Variants in TMTC2 observed in about 807,000 individuals in gnomAD.
TMTC2 encodes protein O-mannosyl-transferase TMTC2.
In TMTC2, 43 loss-of-function variants were observed where a neutral mutation model predicts 82.4. The observed-to-expected ratio is 0.52, with a 90% CI of 0.41 to 0.67. The LOEUF is 0.67. Among genes scored for constraint, TMTC2 ranks in the 30% least tolerant of loss-of-function variants. The pLI is 0.00. For synonymous variants in TMTC2, 408 were observed against 381.9 expected (o/e 1.07, Z -0.80); for missense variants, 919 against 1,012.4 (o/e 0.91, Z 1.25).
intron 11 of TMTC2, among the ~76,000 whole-genome samples, chr12:83,093,235 A>T (rs1167274997): frequency 1.3e-5 from 2 of 152,228 alleles, no homozygotes; most frequent in Non-Finnish European, 2.9e-5. Flanking sequence ...TTCACACATA[A>T]GATGCACAGC....
intron 1 of TMTC2, among the ~76,000 whole-genome samples, chr12:82,827,436 A>G (rs988448763): frequency 3.3e-5 from 5 of 152,200 alleles, no homozygotes; most frequent in African/African-American, 1.2e-4. Context: ...TCTTGCCGGC[A>G]TTCAAGACTT....
rs1872354814 is a variant in TMTC2 at position 82,687,258 on chromosome 12, G to A, written c.-329G>A. 4.8e-6 allele frequency: 2 copies of A among 420,480 alleles called. No homozygotes were observed. The highest frequency in any genetic ancestry group is 4.0e-5 in the African/African-American group (2 of 49,422). 26.0% of individuals were successfully genotyped at this position (420,480 alleles called of 1,614,324 possible). A position where few individuals can be genotyped will look rare whatever the true frequency, so the allele number is the denominator to read the frequency against. On this transcript the variant is annotated 5_prime_UTR_variant, in exon 1 of 12. Coordinates refer to ENST00000321196, the MANE Select transcript of TMTC2 (RefSeq NM_152588.3). ...GACGCCCCAAACTGCCATGGGTTAG[G>A]GTGGGGATCGCGACCCGCGCGAAAG...
intron 2 of TMTC2, among the ~76,000 whole-genome samples, chr12:82,894,706 C>T (rs1474104264): frequency 1.3e-5 from 2 of 152,114 alleles, no homozygotes; most frequent in East Asian, 1.9e-4. Context: ...AGGACTTTGC[C>T]AGAAAATTAG....
In TMTC2 at chr12:83,059,325, G is replaced by A. The variant is rs547765027; in HGVS notation, c.2268-2443G>A. On this transcript the variant is annotated intron_variant, in intron 10 of 11. Transcript: ENST00000321196. ...CCGTGTATGAAATACAGCAAACACT[G>A]TAAAATGGGCATTGGACACTTCCTC... is the stretch of plus-strand genomic sequence containing the variant. Among the ~76,000 whole-genome samples, 6 of 151,824 alleles carry A rather than the reference G, an allele frequency of 4.0e-5. No homozygotes were observed. In the South Asian group the frequency reaches 1.2e-3, roughly 32 times the overall value.
intron 7 of TMTC2, among the ~76,000 whole-genome samples, chr12:82,970,277 T>G (rs944269122): frequency 6.6e-6 from 1 of 152,284 alleles, no homozygotes; most frequent in Non-Finnish European, 1.5e-5. Flanking sequence ...GTCCAACTAC[T>G]TAACCTAGTA....
At position 83,052,099 on chromosome 12, in the gene TMTC2, G is replaced by A. The variant is rs574824666; in HGVS notation, c.2267+1081G>A. On this transcript the variant is annotated intron_variant, in intron 10 of 11. Coordinates refer to ENST00000321196, the MANE Select transcript of TMTC2 (RefSeq NM_152588.3). ...GACTTCTATACTGTCATCTCTGTGCGTGGCTTCCAGGGATAGATTTATAAT... is the reference window on the plus strand; with the variant it reads ...GACTTCTATACTGTCATCTCTGTGCATGGCTTCCAGGGATAGATTTATAAT... Among the ~76,000 whole-genome samples the A allele has an allele frequency of 7.2e-5, 11 of 151,962 alleles. No individual in the cohort carries two copies. In the South Asian group the frequency reaches 1.5e-3, roughly 20 times the overall value.
At chr12:82,996,216 T>G (rs1338988428) in intron 8 of TMTC2, among the ~76,000 whole-genome samples, 2 of 152,180 alleles carry the variant, frequency 1.3e-5, no homozygotes, top group African/African-American at 4.8e-5. Context: ...AGCTGAGTTT[T>G]TAATTTGAAT....
intron 1 of TMTC2, among the ~76,000 whole-genome samples, chr12:82,693,075 G>A (rs938666904): frequency 6.6e-6 from 1 of 152,108 alleles, no homozygotes; most frequent in Non-Finnish European, 1.5e-5. Context: ...TTGTTAACAA[G>A]CATCCCACAA....
intron 4 of TMTC2, among the ~76,000 whole-genome samples, chr12:82,934,070 A>G (rs1283426463): frequency 2.0e-5 from 3 of 152,120 alleles, no homozygotes; most frequent in Non-Finnish European, 4.4e-5. Flanking sequence ...TTAGTTCTTT[A>G]CATATGTTAT....
intron 2 of TMTC2, among the ~76,000 whole-genome samples, chr12:82,865,511 C>G (rs1447547548): frequency 6.6e-6 from 1 of 152,172 alleles, no homozygotes; most frequent in African/African-American, 2.4e-5. Context: ...ATTCATAAAG[C>G]AAGTCCTTAG....
chr12:82,949,810 C>T (rs1459030518), intron 4 of TMTC2, among the ~76,000 whole-genome samples: 5 of 152,154 alleles, frequency 3.3e-5, no homozygotes, highest in Non-Finnish European at 5.9e-5. Flanking sequence ...TGTCTTATCT[C>T]ACTGGCAACC....
At chr12:82,730,140 C>T (rs901387403) in intron 1 of TMTC2, among the ~76,000 whole-genome samples, 11 of 151,930 alleles carry the variant, frequency 7.2e-5, no homozygotes, top group Non-Finnish European at 1.3e-4. Flanking sequence ...AGACCAAGAA[C>T]CTACCAATCC....
intron 1 of TMTC2, among the ~76,000 whole-genome samples, chr12:82,780,010 G>A (rs1592515661): frequency 6.9e-6 from 1 of 145,436 alleles, no homozygotes; most frequent in Non-Finnish European, 1.5e-5. Flanking sequence ...CTTAAAAGAT[G>A]GGTATTTTTT....
At chr12:82,904,491 C>T (rs777396892) in intron 3 of TMTC2, among the ~76,000 whole-genome samples, 2 of 152,234 alleles carry the variant, frequency 1.3e-5, no homozygotes, top group South Asian at 4.1e-4. Context: ...GAAATGATAG[C>T]TGATTTGGAC....
chr12:83,004,131 G>T (rs1425695171), intron 8 of TMTC2, among the ~76,000 whole-genome samples: 1 of 152,136 alleles, frequency 6.6e-6, no homozygotes, highest in Non-Finnish European at 1.5e-5. Flanking sequence ...TGAGCTCTGA[G>T]ATTCTTTGCT....
chr12:82,946,272 T>C (rs12312680), intron 4 of TMTC2, among the ~76,000 whole-genome samples: 9,042 of 152,310 alleles, frequency 0.059, 893 homozygotes, highest in African/African-American at 0.21. Context: ...TGTTTTTATA[T>C]ATATTCTTAG....
chr12:82,736,488 A>T (rs940661369), intron 1 of TMTC2, among the ~76,000 whole-genome samples: 9 of 152,134 alleles, frequency 5.9e-5, no homozygotes, highest in South Asian at 2.1e-4. Context: ...CTTTATAATC[A>T]TTCTTTTTAG....
chr12:83,072,159 C>T (rs1211372372), intron 11 of TMTC2, among the ~76,000 whole-genome samples: 1 of 152,076 alleles, frequency 6.6e-6, no homozygotes, highest in African/African-American at 2.4e-5. Flanking sequence ...GTGAACTTTC[C>T]TCTTAGCGCT....
rs891723628 is a variant in TMTC2, at chr12:82,779,900, A to G, written c.84-77110A>G. 3.3e-5 allele frequency among the ~76,000 whole-genome samples: 5 copies of G among 151,710 alleles called. No homozygotes were observed. In the East Asian group the frequency reaches 9.7e-4, roughly 29 times the overall value. ...GGCAACAGAGCGAGACTCCGTCTCA[A>G]AAAAAAAATAGCCATAGTTCTCATG... On this transcript the variant is annotated intron_variant, in intron 1 of 11. Transcript: ENST00000321196.
Sources: allele counts gnomAD v4.1 joint callset (sites outside exome capture counted in the v4.1 genomes callset), GRCh38; gene constraint gnomAD v4.1.1; transcripts MANE v1.5; gene names NCBI Gene and HGNC (gene_info 2026-07-23, HGNC 2026-07-21).